Variants in CAMTA1 observed in about 807,000 individuals in gnomAD.
CAMTA1 encodes the protein calmodulin-binding transcription activator 1.
A neutral mutation model predicts 170.9 loss-of-function variants in CAMTA1; 27 were observed. That is an observed-to-expected ratio of 0.16 (90% CI 0.12 to 0.22). The LOEUF is 0.22. CAMTA1 is among the 10% of genes least tolerant of loss of function. The pLI is 1.00. For missense variants in CAMTA1, 1,619 were observed against 2,217.2 expected, an observed-to-expected ratio of 0.73 and a Z score of 5.42; for synonymous variants, 833 against 891.5, an observed-to-expected ratio of 0.93 and a Z score of 1.17.
At chr1:7,480,164 T>C (rs2093494442) in intron 6 of CAMTA1, among the ~76,000 whole-genome samples, 1 of 150,782 alleles carries the variant, frequency 6.6e-6, no homozygotes, top group African/African-American at 2.4e-5. Flanking sequence ...TGGGTGCATG[T>C]GTGTGTGCTT....
At chr1:6,974,378 T>G (rs1214827841) in intron 3 of CAMTA1, among the ~76,000 whole-genome samples, 1 of 152,210 alleles carries the variant, frequency 6.6e-6, no homozygotes, top group Non-Finnish European at 1.5e-5. Context: ...GCAGACCAAC[T>G]GGAGGGTCTC....
intron 3 of CAMTA1, among the ~76,000 whole-genome samples, chr1:6,948,506 A>C (rs1371351892): frequency 6.6e-6 from 1 of 152,164 alleles, no homozygotes; most frequent in African/African-American, 2.4e-5. Flanking sequence ...GATAAGAAAG[A>C]TGAGTTTTAT....
intron 6 of CAMTA1, among the ~76,000 whole-genome samples, chr1:7,517,397 C>A (rs1447683839): frequency 1.3e-5 from 2 of 152,130 alleles, no homozygotes; most frequent in Non-Finnish European, 2.9e-5. Context: ...TAAAGCTGTT[C>A]CCCAACCTGT....
At chr1:6,899,535 A>C (rs986381660) in intron 3 of CAMTA1, among the ~76,000 whole-genome samples, 1 of 140,852 alleles carries the variant, frequency 7.1e-6, no homozygotes, top group South Asian at 2.3e-4. Flanking sequence ...TTATATGTGT[A>C]TAACGCGCAC....
intron 6 of CAMTA1, among the ~76,000 whole-genome samples, chr1:7,575,288 C>G (rs995336211): frequency 6.6e-6 from 1 of 152,010 alleles, no homozygotes; most frequent in Non-Finnish European, 1.5e-5. Context: ...ATTCCTCTAC[C>G]CCACACTGCC....
intron 4 of CAMTA1, among the ~76,000 whole-genome samples, chr1:7,229,564 G>A (rs1251805543): frequency 9.0e-6 from 1 of 111,064 alleles, no homozygotes; most frequent in Non-Finnish European, 1.9e-5. Context: ...GGGTGGAGAG[G>A]GGGAGAGGAG....
At chr1:6,961,615 CGGGTGGGGA>C (rs1690429068) in intron 3 of CAMTA1, among the ~76,000 whole-genome samples, 1 of 28,374 alleles carries the variant, frequency 3.5e-5, no homozygotes, top group African/African-American at 1.5e-4. Flanking sequence ...GAGTTTGGGG[CGGGTGGGGA>C]GGGTGAGGCT....
chr1:7,560,461 A>G (rs1347766892), intron 6 of CAMTA1, among the ~76,000 whole-genome samples: 2 of 152,098 alleles, frequency 1.3e-5, no homozygotes, highest in Admixed American at 1.3e-4. Context: ...TCTGGGCCTC[A>G]GTTTTCTCCT....
chr1:7,562,350 G>A lies in CAMTA1; in HGVS notation c.511-78050G>A, dbSNP rs189495424. Among the ~76,000 whole-genome samples, 5 of 152,374 alleles carry A rather than the reference G, an allele frequency of 3.3e-5. No homozygotes were observed. The East Asian group carries it at 9.7e-4, about 29-fold the overall frequency. ...TCGGTGCTTCCTGCATCGTTGGGCA[G>A]TGTAACTCAGTTGGGTATCAGGGCT... On this transcript the variant is annotated intron_variant, in intron 6 of 22. Coordinates refer to ENST00000303635, the MANE Select transcript of CAMTA1 (RefSeq NM_015215.4). The surrounding 1 kb of genome is among the most constrained non-coding windows in gnomAD (Gnocchi z 4.8).
chr1:7,197,714 G>A lies in CAMTA1; in HGVS notation c.303-51777G>A, dbSNP rs1655830772. ...TTATTTATCTGCTCATTTCATTGAC[G>A]CTTCCCAACAACTGGGGTATTTTTC... On this transcript the variant is annotated intron_variant, in intron 4 of 22. Transcript: ENST00000303635. Among the ~76,000 whole-genome samples the A allele has an allele frequency of 2.0e-5, 3 of 147,040 alleles. No homozygotes were observed. The South Asian group carries it at 6.6e-4, about 32-fold the overall frequency.
At chr1:6,878,996 C>G (rs1470909238) in intron 3 of CAMTA1, among the ~76,000 whole-genome samples, 2 of 152,168 alleles carry the variant, frequency 1.3e-5, no homozygotes, top group African/African-American at 2.4e-5. Context: ...TTTATCACAG[C>G]GAAGAGTTTT....
chr1:7,383,196 A>T (rs2087544387), intron 5 of CAMTA1, among the ~76,000 whole-genome samples: 1 of 152,072 alleles, frequency 6.6e-6, no homozygotes, highest in African/African-American at 2.4e-5. Context: ...CCATCAACAC[A>T]CTAAGACCTT....
chr1:7,259,308 C>T (rs1206898297), intron 5 of CAMTA1, among the ~76,000 whole-genome samples: 3 of 152,166 alleles, frequency 2.0e-5, no homozygotes, highest in Admixed American at 6.5e-5. Context: ...AATTCAACAG[C>T]TTGTAACTCG....
At chr1:7,394,045 A>G (rs1235975550) in intron 5 of CAMTA1, among the ~76,000 whole-genome samples, 1 of 152,184 alleles carries the variant, frequency 6.6e-6, no homozygotes, top group Admixed American at 6.5e-5. Flanking sequence ...CTTTTTTATG[A>G]CTGAAGAGTA....
intron 6 of CAMTA1, among the ~76,000 whole-genome samples, chr1:7,620,975 A>C (rs1045278757): frequency 1.3e-5 from 2 of 152,188 alleles, no homozygotes; most frequent in African/African-American, 4.8e-5. Context: ...TGCAGGATGC[A>C]TGGGGCCAGA....
intron 5 of CAMTA1, among the ~76,000 whole-genome samples, chr1:7,441,978 C>G (rs542437497): frequency 1.3e-5 from 2 of 152,216 alleles, no homozygotes; most frequent in Admixed American, 1.3e-4. Flanking sequence ...CTGCTCCCTG[C>G]GTAAGTCATC....
chr1:6,801,586 A>G (rs945125946), intron 1 of CAMTA1, among the ~76,000 whole-genome samples: 1 of 152,204 alleles, frequency 6.6e-6, no homozygotes, highest in African/African-American at 2.4e-5. Flanking sequence ...ATGGTGATAC[A>G]CAATAGGAAT....
chr1:7,604,613 C>G lies in CAMTA1; in HGVS notation c.511-35787C>G, dbSNP rs556622429. Among the ~76,000 whole-genome samples the G allele has an allele frequency of 1.3e-4, 20 of 152,186 alleles. 1 individual carries two copies. The highest frequency in any genetic ancestry group is 1.1e-3 in the Admixed American group (17 of 15,294). ...TTTTTCAAGGTTTTTAACTTCTTTGCCATGGGTTCGAACTTCCTCCTTTAG... is the reference window on the plus strand; with the variant it reads ...TTTTTCAAGGTTTTTAACTTCTTTGGCATGGGTTCGAACTTCCTCCTTTAG... On this transcript the variant is annotated intron_variant, in intron 6 of 22. Transcript: ENST00000303635.
rs185552254 is a variant in CAMTA1, at chr1:7,216,977, T to C, written c.303-32514T>C. 7.4e-4 allele frequency among the ~76,000 whole-genome samples: 112 copies of C among 152,356 alleles called. No homozygotes were observed. The highest frequency in any genetic ancestry group is 1.3e-3 in the Non-Finnish European group (87 of 68,032). On this transcript the variant is annotated intron_variant, in intron 4 of 22. Transcript: ENST00000303635. This position sits in a 1 kb window ranked among gnomAD's most constrained non-coding sequence, Gnocchi z 4.0. ...TTTGATATCAAGATTGCAATACTTG[T>C]TTTGTTATTTCCATTTGCCTCATAT...
Sources: gnomAD v4.1 joint callset for allele counts (sites outside exome capture counted in the v4.1 genomes callset) on GRCh38, gnomAD v4.1.1 for gene constraint, Gnocchi (gnomAD v3.1) non-coding constraint, MANE v1.5 for transcripts, NCBI Gene and HGNC (gene_info 2026-07-23, HGNC 2026-07-21) for gene names.